ATP8B4: variants seen among roughly 807,000 people sequenced by gnomAD.
The protein encoded by ATP8B4 is ATPase phospholipid transporting 8B4 (putative).
Under a neutral mutation model 145.6 loss-of-function variants are expected in ATP8B4, and 133 were observed. That is an observed-to-expected ratio of 0.91 (90% CI 0.79 to 1.05). The LOEUF (loss-of-function observed/expected upper bound fraction) is 1.05, where lower values mean the gene tolerates loss of function less well. Among genes scored for constraint, ATP8B4 ranks in the 50% least tolerant of loss-of-function variants. The pLI is 0.00. For synonymous variants in ATP8B4, 507 were observed against 492.9 expected (o/e 1.03, Z -0.38); for missense variants, 1,458 against 1,425.2 (o/e 1.02, Z -0.37).
At chr15:50,171,308 T>C (rs1472732052) in intron 1 of ATP8B4, among the ~76,000 whole-genome samples, 1 of 152,122 alleles carries the variant, frequency 6.6e-6, no homozygotes, top group Non-Finnish European at 1.5e-5. Flanking sequence ...TGATATGCCA[T>C]AAAACAAGCC....
intron 7 of ATP8B4, among the ~76,000 whole-genome samples, chr15:50,003,267 GGTGTGCATGTGTGTGT>G (rs1181897365): frequency 8.3e-6 from 1 of 120,190 alleles, no homozygotes; most frequent in African/African-American, 3.2e-5. Context: ...TCAAAAATAG[GGTGTGCATGTGTGTGT>G]GTGTGTGTGT....
chr15:50,174,276 ACTGGAAGT>A (rs1184178228), intron 1 of ATP8B4, among the ~76,000 whole-genome samples: 1 of 152,180 alleles, frequency 6.6e-6, no homozygotes, highest in African/African-American at 2.4e-5. Flanking sequence ...TCAGCATAGT[ACTGGAAGT>A]CCTAGCCAGA....
At chr15:49,961,909 T>G in intron 14 of ATP8B4, 68 bp downstream of exon 14, 3 of 1,351,256 alleles carry the variant, frequency 2.2e-6, no homozygotes, top group Non-Finnish European at 3.1e-6. Context: ...ACTAAAAGTT[T>G]ATCATTTTCT....
At chr15:50,129,958 A>G (rs1037129564) in intron 1 of ATP8B4, among the ~76,000 whole-genome samples, 8 of 151,458 alleles carry the variant, frequency 5.3e-5, no homozygotes, top group Non-Finnish European at 1.2e-4. Flanking sequence ...AAAAAAAAAA[A>G]AAAAAAAAAA....
intron 23 of ATP8B4, among the ~76,000 whole-genome samples, chr15:49,881,097 G>A (rs1206606884): frequency 1.3e-5 from 2 of 150,924 alleles, no homozygotes; most frequent in African/African-American, 4.8e-5. Context: ...GGGTGACAAA[G>A]CAAGACTCCG....
intron 19 of ATP8B4, among the ~76,000 whole-genome samples, chr15:49,918,153 T>C (rs945451922): frequency 3.3e-5 from 5 of 152,346 alleles, no homozygotes; most frequent in Middle Eastern, 3.4e-3. Context: ...TAACCATTAC[T>C]GCTAGCAGTA....
chr15:49,923,025 A>G (rs1052230740), intron 17 of ATP8B4, among the ~76,000 whole-genome samples: 1 of 152,218 alleles, frequency 6.6e-6, no homozygotes, highest in Non-Finnish European at 1.5e-5. Flanking sequence ...ACCCAAGGAA[A>G]AGGAGCTCTC....
At chr15:50,024,410 C>A (rs1171321960) in intron 6 of ATP8B4, among the ~76,000 whole-genome samples, 1 of 152,194 alleles carries the variant, frequency 6.6e-6, no homozygotes, top group African/African-American at 2.4e-5. Flanking sequence ...CATCCCCTGC[C>A]TGGGTCTCTC....
chr15:49,929,932 G>A (rs192949560), intron 16 of ATP8B4, among the ~76,000 whole-genome samples: 4 of 152,144 alleles, frequency 2.6e-5, no homozygotes, highest in Non-Finnish European at 5.9e-5. Flanking sequence ...TAACCCTAAT[G>A]GGATGAAAAG....
chr15:49,877,348 A>G (rs1291459633), intron 24 of ATP8B4, among the ~76,000 whole-genome samples: 1 of 152,166 alleles, frequency 6.6e-6, no homozygotes, highest in Non-Finnish European at 1.5e-5. Flanking sequence ...CCAAAAACCA[A>G]AAAGGATGGC....
At chr15:49,881,161 C>T (rs1598881139) in intron 23 of ATP8B4, among the ~76,000 whole-genome samples, 1 of 151,646 alleles carries the variant, frequency 6.6e-6, no homozygotes, top group Non-Finnish European at 1.5e-5. Context: ...GTAGCATTTG[C>T]CAATTTCCAT....
chr15:49,950,419 T>G (rs957652969), intron 14 of ATP8B4, among the ~76,000 whole-genome samples: 1 of 152,068 alleles, frequency 6.6e-6, no homozygotes, highest in Non-Finnish European at 1.5e-5. Flanking sequence ...TTTATCCATT[T>G]CTTCTAGGTT....
intron 8 of ATP8B4, 80 bp downstream of exon 8, chr15:50,002,073 A>C (rs779882221): frequency 1.7e-5 from 20 of 1,178,692 alleles, no homozygotes; most frequent in Non-Finnish European, 2.3e-5. Flanking sequence ...GATACTGAAC[A>C]AGGTTAAGTC....
At chr15:50,126,680 T>C (rs933887065) in intron 1 of ATP8B4, among the ~76,000 whole-genome samples, 2 of 152,234 alleles carry the variant, frequency 1.3e-5, no homozygotes, top group East Asian at 1.9e-4. Flanking sequence ...GGAATTTCCA[T>C]TGAAGAAACG....
intron 1 of ATP8B4, among the ~76,000 whole-genome samples, chr15:50,158,532 C>A (rs555737589): frequency 6.6e-6 from 1 of 151,760 alleles, no homozygotes; most frequent in East Asian, 1.9e-4. Context: ...AGGTGGGGGG[C>A]GCCTCTGCCT....
At chr15:50,117,157 C>A (rs2057180510) in intron 1 of ATP8B4, among the ~76,000 whole-genome samples, 1 of 152,144 alleles carries the variant, frequency 6.6e-6, no homozygotes, top group African/African-American at 2.4e-5. Context: ...TCAGGCGATT[C>A]TCCTGCCTCA....
At chr15:50,145,657 T>C (rs2044266721) in intron 1 of ATP8B4, among the ~76,000 whole-genome samples, 1 of 152,192 alleles carries the variant, frequency 6.6e-6, no homozygotes, top group African/African-American at 2.4e-5. Context: ...ACCGCCACTC[T>C]CACCATGTCT....
At chr15:50,127,802 T>G (rs1171343244) in intron 1 of ATP8B4, among the ~76,000 whole-genome samples, 1 of 152,168 alleles carries the variant, frequency 6.6e-6, no homozygotes, top group African/African-American at 2.4e-5. Flanking sequence ...TCTAGAGATA[T>G]CCCATTATAC....
At chr15:49,929,875 G>A (rs2041096524) in intron 16 of ATP8B4, among the ~76,000 whole-genome samples, 1 of 152,020 alleles carries the variant, frequency 6.6e-6, no homozygotes, top group African/African-American at 2.4e-5. Flanking sequence ...AAGGTTAATG[G>A]AAACCTCTGA....
Sources: gnomAD v4.1 joint callset for allele counts (sites outside exome capture counted in the v4.1 genomes callset) on GRCh38, gnomAD v4.1.1 for gene constraint, MANE v1.5 for transcripts, NCBI Gene and HGNC (gene_info 2026-07-23, HGNC 2026-07-21) for gene names.